Variants in CUEDC1 observed in about 807,000 individuals in gnomAD.
CUEDC1 encodes the protein CUE domain-containing protein 1.
CUEDC1 carries 30 observed loss-of-function variants against 43.7 expected under a neutral mutation model. The ratio of observed to expected loss-of-function variants is 0.69; its 90% CI spans 0.51 to 0.93. CUEDC1 has a LOEUF of 0.93. Ranked by LOEUF, CUEDC1 falls within the 40% of genes least tolerant of loss-of-function variation. The pLI, the probability that CUEDC1 is intolerant of heterozygous loss-of-function variation, is 0.00. For synonymous variants in CUEDC1, 223 were observed against 223.6 expected (o/e 1.00, Z 0.02); for missense variants, 486 against 549.0 (o/e 0.89, Z 1.15).
At chr17:57,874,622 G>A (rs2074086023) in intron 3 of CUEDC1, among the ~76,000 whole-genome samples, 1 of 152,182 alleles carries the variant, frequency 6.6e-6, no homozygotes, top group Non-Finnish European at 1.5e-5. Flanking sequence ...ACAGCTCCAT[G>A]GCAGCCTGCA....
intron 1 of CUEDC1, chr17:57,922,398 G>T (rs1392232603): frequency 6.6e-6 from 1 of 152,158 alleles, no homozygotes; most frequent in Non-Finnish European, 1.5e-5. Context: ...CATTCTAGGA[G>T]ACATGAATCT....
At chr17:57,899,700 C>A (rs939009167) in intron 1 of CUEDC1, among the ~76,000 whole-genome samples, 1 of 152,214 alleles carries the variant, frequency 6.6e-6, no homozygotes, top group African/African-American at 2.4e-5. Flanking sequence ...CAGGCCCTCG[C>A]AGCCATAGGA....
intron 1 of CUEDC1, among the ~76,000 whole-genome samples, chr17:57,891,084 T>C (rs1042373622): frequency 6.6e-6 from 1 of 152,182 alleles, no homozygotes; most frequent in East Asian, 1.9e-4. Context: ...TCCAGCCCCA[T>C]GGCTTGGAAT....
chr17:57,872,844 C>T lies in CUEDC1; in HGVS notation c.603G>A (p.Gly201=), dbSNP rs1361862423. The T allele has an allele frequency of 1.9e-6, 3 of 1,611,660 alleles. No homozygotes were observed. Among genetic ancestry groups the T allele is most frequent in the African/African-American group, 2.7e-5 (2 of 74,712 alleles). ...CCTCTCCACTCCCAGGCTTGGGGCC[C>T]CCAGCGTTACCCTGAGGAGGGAAGC... is the stretch of plus-strand genomic sequence containing the variant. ...QQLDSIQGNA[G]GPKPGSGEGC... is the part of the protein sequence containing the mutation. The change falls in exon 5 of 11, where the codon GGG becomes GGA. Residue 201 remains glycine (G), a synonymous_variant. Transcript: ENST00000577830.
chr17:57,866,518 C>T lies in CUEDC1; in HGVS notation c.1120G>A (p.Glu374Lys), dbSNP rs1243528950. The T allele has an allele frequency of 3.1e-6, 5 of 1,614,098 alleles. No homozygotes were observed. Among genetic ancestry groups the T allele is most frequent in the Non-Finnish European group, 1.7e-6 (2 of 1,180,054 alleles). The change falls in exon 10 of 11, where the codon GAG (glutamate) becomes AAG (lysine). Residue 374 changes from glutamate to lysine, a missense_variant. Glu to Lys is a moderately conservative substitution (Grantham distance 56). Transcript: ENST00000577830. ...CDEDFRGRRQ[E>K]APKVEEGLRE... ...AGGCCTTCCTCCACCTTGGGTGCCTCCTGACGCCTGCCCCGGAAGTCTTCA... is the reference window on the plus strand; with the variant it reads ...AGGCCTTCCTCCACCTTGGGTGCCTTCTGACGCCTGCCCCGGAAGTCTTCA...
At chr17:57,953,381 T>C (rs1056242857) in intron 1 of CUEDC1, among the ~76,000 whole-genome samples, 3 of 152,246 alleles carry the variant, frequency 2.0e-5, no homozygotes, top group Admixed American at 1.3e-4. Flanking sequence ...CTGGGATCTG[T>C]CCAGACACTC....
chr17:57,933,038 C>T (rs1024040441), intron 1 of CUEDC1, among the ~76,000 whole-genome samples: 5 of 152,136 alleles, frequency 3.3e-5, no homozygotes, highest in African/African-American at 9.7e-5. Context: ...GTAACACTGC[C>T]AATGTCTCCT....
rs1466542901 is a variant in CUEDC1, at chr17:57,932,632, TG to T, written c.-316+22592del. On this transcript the variant is annotated intron_variant, in intron 1 of 10. Transcript: ENST00000577830. ...AAAAAAGTCTGTTGGAGGGCCAAGG[TG>T]GTTGGATCATTTGAGGTCAGGAGTT... Among the ~76,000 whole-genome samples the T allele has an allele frequency of 2.5e-5, 3 of 120,488 alleles. No individual in the cohort carries two copies. The East Asian group carries it at 7.1e-4, about 29-fold the overall frequency. The allele number at this position is 120,488 out of a possible 152,430, so 79.0% of individuals were successfully genotyped here.
intron 1 of CUEDC1, among the ~76,000 whole-genome samples, chr17:57,932,457 G>A (rs1567722248): frequency 1.3e-5 from 2 of 150,906 alleles, no homozygotes; most frequent in Admixed American, 1.3e-4. Flanking sequence ...ATGGCAGCGG[G>A]TGCTGTAGTC....
chr17:57,937,726 A>AT lies in CUEDC1; in HGVS notation c.-316+17498_-316+17499insA, dbSNP rs1460279812. ...GGATCACCAGCCTGGGCAACATAGC[A>AT]AGACCCTATCTCTACAAATAATTTT... is the stretch of plus-strand genomic sequence containing the variant. On this transcript the variant is annotated intron_variant, in intron 1 of 10. Coordinates refer to ENST00000577830, the MANE Select transcript of CUEDC1 (RefSeq NM_001271875.2). Among the ~76,000 whole-genome samples, 16 of 152,072 alleles carry AT rather than the reference A, an allele frequency of 1.1e-4. No homozygotes were observed. In the South Asian group the frequency reaches 2.7e-3, roughly 26 times the overall value.
Position 57,922,876 on chromosome 17 carries a change from TCTC to T in CUEDC1, c.-316+32346_-316+32348del, listed in dbSNP as rs1419656107. Among the ~76,000 whole-genome samples the T allele has an allele frequency of 1.9e-3, 262 of 141,496 alleles. 1 individual carries two copies. Among genetic ancestry groups the T allele is most frequent in the African/African-American group, 6.4e-3 (257 of 39,992 alleles). 92.8% of individuals were successfully genotyped at this position (141,496 alleles called of 152,430 possible). ...GAATCACCCAGGGAATTTCTCCCTC[TCTC>T]TTTTTTTTTTTTTTTAAATAGGGTC... On this transcript the variant is annotated intron_variant, in intron 1 of 10. Coordinates refer to ENST00000577830, the MANE Select transcript of CUEDC1 (RefSeq NM_001271875.2).
At chr17:57,871,236 T>G in intron 6 of CUEDC1, 50 bp downstream of exon 6, 16 of 1,409,738 alleles carry the variant, frequency 1.1e-5, no homozygotes, top group Non-Finnish European at 1.5e-5. Flanking sequence ...AAGTTGGGTG[T>G]GAGCTCCCCA....
At chr17:57,943,715 C>T (rs866055975) in intron 1 of CUEDC1, among the ~76,000 whole-genome samples, 5 of 151,960 alleles carry the variant, frequency 3.3e-5, no homozygotes, top group Non-Finnish European at 5.9e-5. Context: ...AGTAAAAATC[C>T]ACCCCAAAAA....
At chr17:57,941,344 CT>C (rs1399682427) in intron 1 of CUEDC1, among the ~76,000 whole-genome samples, 1 of 152,180 alleles carries the variant, frequency 6.6e-6, no homozygotes, top group Non-Finnish European at 1.5e-5. Context: ...GTATAGTCTC[CT>C]TTCTTTATGC....
chr17:57,889,329 T>C (rs1180714311), intron 1 of CUEDC1, among the ~76,000 whole-genome samples: 1 of 151,928 alleles, frequency 6.6e-6, no homozygotes, highest in Non-Finnish European at 1.5e-5. Context: ...GTAGGGAGAT[T>C]CTAGGGGGGT....
chr17:57,945,822 C>A (rs1015692581), intron 1 of CUEDC1, among the ~76,000 whole-genome samples: 53 of 151,956 alleles, frequency 3.5e-4, no homozygotes, highest in Non-Finnish European at 5.9e-5. Flanking sequence ...GAGTTCAAGA[C>A]CAGCCTGGCC....
intron 1 of CUEDC1, among the ~76,000 whole-genome samples, chr17:57,894,770 G>C (rs1445077963): frequency 6.6e-6 from 1 of 152,210 alleles, no homozygotes; most frequent in African/African-American, 2.4e-5. Flanking sequence ...TAGCCAATGG[G>C]AGATGTGGGG....
chr17:57,919,608 A>G (rs1425935359), intron 1 of CUEDC1, among the ~76,000 whole-genome samples: 2 of 152,212 alleles, frequency 1.3e-5, no homozygotes, highest in Non-Finnish European at 2.9e-5. Flanking sequence ...TCCCACACCG[A>G]CAAACCCACT....
chr17:57,886,642 T>C (rs1030757110), intron 1 of CUEDC1, among the ~76,000 whole-genome samples: 3 of 152,210 alleles, frequency 2.0e-5, no homozygotes, highest in South Asian at 2.1e-4. Flanking sequence ...TGCAAGGCCA[T>C]TGTCAACCCC....
Sources: allele counts gnomAD v4.1 joint callset (sites outside exome capture counted in the v4.1 genomes callset), GRCh38; gene constraint gnomAD v4.1.1; transcripts MANE v1.5; gene names NCBI Gene and HGNC (gene_info 2026-07-23, HGNC 2026-07-21).